The following PCDH7 variants were observed in gnomAD, a reference collection of about 807,000 sequenced individuals.
PCDH7 encodes protocadherin 7, also known as protocadherin-7.
A neutral mutation model predicts 58.9 loss-of-function variants in PCDH7; 17 were observed. The observed-to-expected ratio is 0.29, with a 90% confidence interval of 0.20 to 0.43. The LOEUF (loss-of-function observed/expected upper bound fraction) is 0.43. PCDH7 is among the 20% of genes least tolerant of loss of function. PCDH7 has a pLI of 1.00. For missense variants in PCDH7, 1,274 were observed against 1,441.0 expected (o/e 0.88, Z 1.88); for synonymous variants, 664 against 616.4 (o/e 1.08, Z -1.14).
chr4:31,078,703 G>C (rs1279554764), intron 3 of PCDH7, among the ~76,000 whole-genome samples: 1 of 119,618 alleles, frequency 8.4e-6, no homozygotes, highest in East Asian at 2.8e-4. Context: ...AAGTAATTTA[G>C]TAAGTCAATC....
intron 2 of PCDH7, among the ~76,000 whole-genome samples, chr4:30,928,420 G>C (rs1296154457): frequency 6.6e-6 from 1 of 152,160 alleles, no homozygotes; most frequent in African/African-American, 2.4e-5. Context: ...CAATTATATA[G>C]TGTCAAAGCT....
chr4:30,898,790 A>G (rs1410218112), intron 1 of PCDH7, among the ~76,000 whole-genome samples: 1 of 152,098 alleles, frequency 6.6e-6, no homozygotes, highest in East Asian at 1.9e-4. Flanking sequence ...ACGGGGTTTC[A>G]CTGTGTTAGC....
At position 31,029,728 on chromosome 4, in the gene PCDH7, G is replaced by A. The variant is rs138793677; in HGVS notation, c.*7+79513G>A. ...GAGTAGAATACCAGATGAAGAATCCGGGCAACATTTGGAAACTCCAGGCAG... is the reference window on the plus strand; with the variant it reads ...GAGTAGAATACCAGATGAAGAATCCAGGCAACATTTGGAAACTCCAGGCAG... On this transcript the variant is annotated intron_variant, in intron 3 of 3. Coordinates refer to the PCDH7 transcript ENST00000509759. Among the ~76,000 whole-genome samples the A allele has an allele frequency of 2.5e-3, 380 of 152,170 alleles. 3 individuals are homozygous for A. In the Middle Eastern group the frequency reaches 0.034, roughly 14 times the overall value.
chr4:30,876,118 C>A (rs2109366101), intron 1 of PCDH7, among the ~76,000 whole-genome samples: 1 of 152,172 alleles, frequency 6.6e-6, no homozygotes, highest in Admixed American at 6.6e-5. Context: ...TTTTCCTCCA[C>A]CTAATTCCTG....
At chr4:31,139,455 A>G (rs958056872) in intron 3 of PCDH7, among the ~76,000 whole-genome samples, 2 of 152,192 alleles carry the variant, frequency 1.3e-5, no homozygotes, top group Non-Finnish European at 2.9e-5. Flanking sequence ...GACTAAGAAG[A>G]GTTACTAATT....
chr4:30,903,074 A>G (rs1740443119), intron 1 of PCDH7, among the ~76,000 whole-genome samples: 1 of 152,272 alleles, frequency 6.6e-6, no homozygotes, highest in Non-Finnish European at 1.5e-5. Flanking sequence ...TGCCCTTCTG[A>G]ATAAGAATGA....
At chr4:30,971,834 T>C (rs1410555045) in intron 3 of PCDH7, among the ~76,000 whole-genome samples, 3 of 152,146 alleles carry the variant, frequency 2.0e-5, no homozygotes. Flanking sequence ...TGGTGGCACA[T>C]GCCTGTGGGG....
At chr4:30,728,557 T>C (rs1016883541) in intron 1 of PCDH7, among the ~76,000 whole-genome samples, 5 of 151,800 alleles carry the variant, frequency 3.3e-5, no homozygotes, top group Non-Finnish European at 7.4e-5. Flanking sequence ...AGTCATCTAG[T>C]AAAGCAACAC....
chr4:31,056,458 G>GAAGGAAAGCAAGA (rs1553932369), intron 3 of PCDH7, among the ~76,000 whole-genome samples: 1 of 83,156 alleles, frequency 1.2e-5, no homozygotes, highest in South Asian at 5.0e-4. Context: ...AAGAAAGAAA[G>GAAGGAAAGCAAGA]AAGAAAGAAA....
chr4:30,977,364 C>G (rs553056494), intron 3 of PCDH7, among the ~76,000 whole-genome samples: 1 of 152,230 alleles, frequency 6.6e-6, no homozygotes, highest in African/African-American at 2.4e-5. Flanking sequence ...TGGCCCATTG[C>G]TATCTGTGGA....
intron 1 of PCDH7, among the ~76,000 whole-genome samples, chr4:30,833,017 G>T (rs1259297959): frequency 6.6e-6 from 1 of 152,082 alleles, no homozygotes; most frequent in East Asian, 1.9e-4. Context: ...AGACTCTGCT[G>T]GCTTCAAGCA....
chr4:30,913,499 G>A lies in PCDH7; in HGVS notation c.71-6654G>A, dbSNP rs376518925. On this transcript the variant is annotated intron_variant, in intron 1 of 3. Transcript: ENST00000509759. ...CTGTGTGGAGAGCGGGATAGAATTT[G>A]GCTGCTAGTTTATTTTTTGAAAAAA... Among the ~76,000 whole-genome samples, 34 of 152,050 alleles carry A rather than the reference G, an allele frequency of 2.2e-4. No individual in the cohort carries two copies. In the South Asian group the frequency reaches 7.1e-3, roughly 32 times the overall value.
chr4:31,009,315 T>C (rs756456585), intron 3 of PCDH7, among the ~76,000 whole-genome samples: 1 of 152,026 alleles, frequency 6.6e-6, no homozygotes, highest in Admixed American at 6.6e-5. Context: ...CTCGTATTAG[T>C]GGAAATAGGG....
chr4:30,792,751 T>C (rs567355784), intron 1 of PCDH7, among the ~76,000 whole-genome samples: 1 of 152,308 alleles, frequency 6.6e-6, no homozygotes, highest in East Asian at 1.9e-4. Context: ...AATCTTTCTT[T>C]TCTGTGTGTC....
At chr4:30,796,691 G>C (rs570548093) in intron 1 of PCDH7, among the ~76,000 whole-genome samples, 2 of 152,082 alleles carry the variant, frequency 1.3e-5, no homozygotes, top group African/African-American at 2.4e-5. Context: ...CTTTTAATAC[G>C]TAAATTTTAA....
intron 1 of PCDH7, among the ~76,000 whole-genome samples, chr4:30,787,124 A>T (rs1723502780): frequency 6.6e-6 from 1 of 152,050 alleles, no homozygotes; most frequent in Admixed American, 6.6e-5. Context: ...AAGAACAGGA[A>T]ATTCTTTTTC....
chr4:31,058,800 TGG>T (rs1757457752), intron 3 of PCDH7, among the ~76,000 whole-genome samples: 1 of 151,808 alleles, frequency 6.6e-6, no homozygotes, highest in African/African-American at 2.4e-5. Context: ...AGTTTTTGAG[TGG>T]GTGATTCCAG....
downstream of PCDH7, among the ~76,000 whole-genome samples, chr4:30,735,008 C>G (rs1308889783): frequency 6.6e-6 from 1 of 151,988 alleles, no homozygotes; most frequent in East Asian, 1.9e-4. Context: ...CTCTGATCTC[C>G]CCGCTTCCCT....
At chr4:30,934,231 C>A (rs1348103232) in intron 2 of PCDH7, among the ~76,000 whole-genome samples, 1 of 152,130 alleles carries the variant, frequency 6.6e-6, no homozygotes, top group Non-Finnish European at 1.5e-5. Flanking sequence ...CTTTCGCTGC[C>A]TACGTCTGAG....
Sources: allele counts gnomAD v4.1 joint callset (sites outside exome capture counted in the v4.1 genomes callset), GRCh38; gene constraint gnomAD v4.1.1; transcripts MANE v1.5; gene names NCBI Gene and HGNC (gene_info 2026-07-23, HGNC 2026-07-21).